The following CCDC85A variants were observed in gnomAD, a reference collection of about 807,000 sequenced individuals.
CCDC85A encodes the protein coiled-coil domain containing 85A, also known as coiled-coil domain-containing protein 85A.
In CCDC85A, 38 loss-of-function variants were observed where a neutral mutation model predicts 50.2. The observed-to-expected ratio is 0.76, with a 90% CI of 0.58 to 0.99. CCDC85A has a LOEUF of 0.99. Ranked by LOEUF, CCDC85A falls within the 50% of genes least tolerant of loss-of-function variation. CCDC85A has a pLI of 0.00. For missense variants in CCDC85A, 820 were observed against 742.0 expected, an observed-to-expected ratio of 1.11 and a Z score of -1.22; for synonymous variants, 366 against 301.4, an observed-to-expected ratio of 1.21 and a Z score of -2.22.
intron 2 of CCDC85A, among the ~76,000 whole-genome samples, chr2:56,232,631 C>T (rs1668821520): frequency 6.6e-6 from 1 of 152,168 alleles, no homozygotes; most frequent in African/African-American, 2.4e-5. Flanking sequence ...TTCCTGAGGC[C>T]TCTAGCCACA....
chr2:56,351,428 C>G (rs1336182608), intron 3 of CCDC85A, among the ~76,000 whole-genome samples: 3 of 146,312 alleles, frequency 2.1e-5, no homozygotes, highest in African/African-American at 2.6e-5. Flanking sequence ...AATCGCCACA[C>G]TGACTTCCAC....
chr2:56,380,069 G>T (rs769124930), intron 5 of CCDC85A, among the ~76,000 whole-genome samples: 1 of 152,042 alleles, frequency 6.6e-6, no homozygotes, highest in Non-Finnish European at 1.5e-5. Flanking sequence ...AGCCAATTCT[G>T]TATTCCAGAA....
At chr2:56,362,361 T>C (rs1044955296) in intron 3 of CCDC85A, among the ~76,000 whole-genome samples, 9 of 152,032 alleles carry the variant, frequency 5.9e-5, no homozygotes, top group African/African-American at 2.2e-4. Context: ...TAGTGTTGGA[T>C]GTGTACATGT....
chr2:56,198,818 A>G (rs1264052518), intron 2 of CCDC85A, among the ~76,000 whole-genome samples: 5 of 152,196 alleles, frequency 3.3e-5, no homozygotes, highest in Admixed American at 1.3e-4. Flanking sequence ...ATGTGTATAC[A>G]TATGTTTATA....
At chr2:56,301,076 G>A (rs965361675) in intron 2 of CCDC85A, among the ~76,000 whole-genome samples, 2 of 152,050 alleles carry the variant, frequency 1.3e-5, no homozygotes, top group Non-Finnish European at 2.9e-5. Flanking sequence ...AAATAAATTT[G>A]CACCTGAAAT....
chr2:56,250,289 G>A (rs1669696359), intron 2 of CCDC85A, among the ~76,000 whole-genome samples: 1 of 152,170 alleles, frequency 6.6e-6, no homozygotes, highest in African/African-American at 2.4e-5. Context: ...ATGTGCCCTG[G>A]ACCCTATGCT....
intron 2 of CCDC85A, among the ~76,000 whole-genome samples, chr2:56,218,930 T>C (rs2103900218): frequency 6.6e-6 from 1 of 151,902 alleles, no homozygotes; most frequent in South Asian, 2.1e-4. Flanking sequence ...GAGAAAATCA[T>C]TTTATTCATC....
chr2:56,313,690 C>G (rs1672794035), intron 2 of CCDC85A, among the ~76,000 whole-genome samples: 1 of 152,114 alleles, frequency 6.6e-6, no homozygotes, highest in African/African-American at 2.4e-5. Context: ...TATTTGCCAG[C>G]CCCATCTGGT....
At chr2:56,343,620 T>G (rs1674483767) in intron 3 of CCDC85A, among the ~76,000 whole-genome samples, 1 of 152,186 alleles carries the variant, frequency 6.6e-6, no homozygotes, top group Non-Finnish European at 1.5e-5. Flanking sequence ...TTTCAGAAAA[T>G]GTTTTGTTGA....
intron 2 of CCDC85A, among the ~76,000 whole-genome samples, chr2:56,321,568 A>G (rs895192008): frequency 4.6e-5 from 7 of 152,220 alleles, no homozygotes; most frequent in Admixed American, 1.3e-4. Flanking sequence ...TACAATACCT[A>G]GGAATCCAAC....
At chr2:56,375,716 G>A in intron 4 of CCDC85A, 100 bp from the exon 5 acceptor site, 5 of 1,255,526 alleles carry the variant, frequency 4.0e-6, no homozygotes, top group Non-Finnish European at 5.7e-6. Flanking sequence ...GTAACAAAAT[G>A]GCTAATTCTC....
rs374067476 is a variant in CCDC85A at position 56,193,383 on chromosome 2, C to T, written c.1183C>T (p.Arg395Trp). 31 of 1,611,188 alleles carry T rather than the reference C, an allele frequency of 1.9e-5. No homozygotes were observed. The highest frequency in any genetic ancestry group is 5.5e-5 in the South Asian group (5 of 90,590). Residue 395 changes from arginine (R) to tryptophan (W), a missense_variant, in exon 2 of 6, where the codon CGG becomes TGG. Transcript: ENST00000407595. ...GGGSREGTLR[R>W]QAQEDGSPHH... is the part of the protein sequence containing the mutation. ...AGGCAGCAGGGAGGGCACCCTCAGA[C>T]GGCAGGCACAGGAGGACGGGTCACC...
intron 2 of CCDC85A, among the ~76,000 whole-genome samples, chr2:56,327,954 C>T (rs1413439563): frequency 2.0e-5 from 3 of 150,922 alleles, no homozygotes; most frequent in African/African-American, 7.3e-5. Context: ...ATTATTAATT[C>T]ACTTGATTTT....
chr2:56,214,591 G>A (rs139043491), intron 2 of CCDC85A, among the ~76,000 whole-genome samples: 1 of 151,872 alleles, frequency 6.6e-6, no homozygotes, highest in East Asian at 1.9e-4. Flanking sequence ...TTTGGAGGGG[G>A]GAGCGGTACA....
At chr2:56,358,350 A>G (rs182977812) in intron 3 of CCDC85A, among the ~76,000 whole-genome samples, 63 of 152,330 alleles carry the variant, frequency 4.1e-4, no homozygotes, top group Non-Finnish European at 7.8e-4. Flanking sequence ...CAAGCCTCCA[A>G]TAAACAGTTA....
At chr2:56,296,040 C>G (rs1573198811) in intron 2 of CCDC85A, among the ~76,000 whole-genome samples, 1 of 152,294 alleles carries the variant, frequency 6.6e-6, no homozygotes, top group East Asian at 1.9e-4. Context: ...AAAAAGAAGT[C>G]AGTTTTAAAA....
At chr2:56,344,358 T>G (rs1343284510) in intron 3 of CCDC85A, among the ~76,000 whole-genome samples, 1 of 152,164 alleles carries the variant, frequency 6.6e-6, no homozygotes, top group East Asian at 1.9e-4. Flanking sequence ...AGGCAGGAAG[T>G]GTAGACAGCA....
chr2:56,281,207 C>G (rs1671192550), intron 2 of CCDC85A, among the ~76,000 whole-genome samples: 1 of 152,106 alleles, frequency 6.6e-6, no homozygotes, highest in Admixed American at 6.5e-5. Context: ...ACTTGTGTAT[C>G]TGGATTCTTT....
intron 2 of CCDC85A, among the ~76,000 whole-genome samples, chr2:56,325,990 G>T (rs1673449840): frequency 6.6e-6 from 1 of 152,110 alleles, no homozygotes. Flanking sequence ...CATCAACTAA[G>T]GGATAGTGTT....
Sources: gnomAD v4.1 joint callset for allele counts (sites outside exome capture counted in the v4.1 genomes callset) on GRCh38, gnomAD v4.1.1 for gene constraint, MANE v1.5 for transcripts, NCBI Gene and HGNC (gene_info 2026-07-23, HGNC 2026-07-21) for gene names.